MAU2: variants seen among roughly 807,000 people sequenced by gnomAD.
The protein encoded by MAU2 is MAU2 sister chromatid cohesion factor.
Under a neutral mutation model 89.1 loss-of-function variants are expected in MAU2, and 9 were observed. That is an observed-to-expected ratio of 0.10 (90% confidence interval 0.06 to 0.18). The LOEUF is 0.18. Ranked by LOEUF, MAU2 falls within the 10% of genes least tolerant of loss-of-function variation. The pLI, the probability that MAU2 is intolerant of heterozygous loss-of-function variation, is 1.00. For missense variants in MAU2, 425 were observed against 803.5 expected (o/e 0.53, Z 5.69); for synonymous variants, 357 against 343.4 (o/e 1.04, Z -0.44).
At chr19:19,344,970 C>G (rs745893860) in intron 11 of MAU2, 44 bp downstream of exon 11, 1 of 1,566,522 alleles carries the variant, frequency 6.4e-7, no homozygotes, top group Non-Finnish European at 8.8e-7. Flanking sequence ...CCAGAATGTT[C>G]TCAGTAAGTA....
chr19:19,345,271 G>C lies in MAU2; in HGVS notation c.1156-33G>C. On this transcript the variant is annotated intron_variant, in intron 11 of 18. Coordinates refer to ENST00000262815, the MANE Select transcript of MAU2 (RefSeq NM_015329.4). This position sits in a 1 kb window ranked among gnomAD's most constrained non-coding sequence, Gnocchi z 4.9. ...TCTGATCTGAGCCCCCTCCCCAGGGGCCGGCCCTGATGACAACACCACCTT... is the reference window on the plus strand; with the variant it reads ...TCTGATCTGAGCCCCCTCCCCAGGGCCCGGCCCTGATGACAACACCACCTT... 6.2e-7 allele frequency: 1 copy of C among 1,601,334 alleles called. No homozygotes were observed. The highest frequency in any genetic ancestry group is 8.6e-7 in the Non-Finnish European group (1 of 1,168,902).
intron 7 of MAU2, 64 bp from the exon 8 acceptor site, chr19:19,342,471 G>A (rs1458145430): frequency 4.7e-6 from 7 of 1,501,116 alleles, no homozygotes; most frequent in Non-Finnish European, 6.2e-6. Context: ...AGGGGTGGCT[G>A]GGCTGGGCCT....
rs568185464 is a variant in MAU2 at position 19,331,011 on chromosome 19, C to T, written c.277-4707C>T. ...GGCACCAGAGCTGTGCTGGTCTGGA[C>T]CCTTCCACCCCACTTGAAACCTGTT... On this transcript the variant is annotated intron_variant, in intron 1 of 18. Transcript: ENST00000262815. Among the ~76,000 whole-genome samples the T allele has an allele frequency of 1.2e-4, 18 of 152,220 alleles. No homozygotes were observed. The East Asian group carries it at 2.7e-3, about 23-fold the overall frequency.
intron 5 of MAU2, 85 bp downstream of exon 5, chr19:19,339,024 G>A (rs1051319117): frequency 1.2e-5 from 13 of 1,084,304 alleles, no homozygotes; most frequent in Non-Finnish European, 1.6e-5. Flanking sequence ...AACAGAAATG[G>A]CATTTCAGGT....
intron 1 of MAU2, among the ~76,000 whole-genome samples, chr19:19,333,102 A>G (rs1022489562): frequency 6.6e-6 from 1 of 151,394 alleles, no homozygotes; most frequent in African/African-American, 2.4e-5. Context: ...AGAGATGTCC[A>G]TGGGGTCAGG....
rs184221807 is a variant in MAU2, at chr19:19,344,177, C to T, written c.1077+237C>T. The stretch of plus-strand genomic sequence containing the variant: ...CTGTCATCCCAGCAGTTTGGGAGGC[C>T]GAGGCGGGTGGATCACTTGAGGCCA... On this transcript the variant is annotated intron_variant, in intron 10 of 18. Coordinates refer to ENST00000262815, the MANE Select transcript of MAU2 (RefSeq NM_015329.4). 425 of 484,168 alleles carry T rather than the reference C, an allele frequency of 8.8e-4. 6 individuals carry two copies. In the East Asian group the frequency reaches 0.014, roughly 16 times the overall value. The allele number at this position is 484,168 out of a possible 1,614,324, so 30.0% of individuals were successfully genotyped here. A position where few individuals can be genotyped will look rare whatever the true frequency, so the allele number is the denominator to read the frequency against.
chr19:19,331,232 G>T (rs2061552612), intron 1 of MAU2, among the ~76,000 whole-genome samples: 1 of 151,992 alleles, frequency 6.6e-6, no homozygotes, highest in Non-Finnish European at 1.5e-5. Flanking sequence ...GGGCACGGTG[G>T]CTCACACCTG....
intron 16 of MAU2, among the ~76,000 whole-genome samples, chr19:19,351,408 G>T (rs2061742832): frequency 6.6e-6 from 1 of 152,132 alleles, no homozygotes; most frequent in African/African-American, 2.4e-5. Flanking sequence ...AGTGGCTCAG[G>T]CCTGTAATCC....
At chr19:19,354,333 C>A in intron 16 of MAU2, 22 bp from the exon 17 acceptor site, 2 of 1,602,412 alleles carry the variant, frequency 1.2e-6, no homozygotes, top group Non-Finnish European at 1.7e-6. Context: ...CCTCACTCCC[C>A]CTTGCTGCTC....
chr19:19,321,169 C>A, intron 1 of MAU2, 34 bp downstream of exon 1: 1 of 1,548,106 alleles, frequency 6.5e-7, no homozygotes, highest in South Asian at 1.2e-5. Flanking sequence ...GGAGGAGTCG[C>A]GGGCTCCTTG....
In MAU2 at chr19:19,341,315, G is replaced by T. The variant is rs757904070; in HGVS notation, c.643G>T (p.Val215Leu). 1 of 1,613,490 alleles carries T rather than the reference G, an allele frequency of 6.2e-7. No homozygotes were observed. Among genetic ancestry groups the T allele is most frequent in the Non-Finnish European group, 8.5e-7 (1 of 1,180,010 alleles). The change falls in exon 7 of 19, where the codon GTG (valine) becomes TTG (leucine). Residue 215 changes from valine to leucine, a missense_variant. Around this residue, in one of 11 missense-constraint regions of MAU2, gnomAD observed 119 missense variants for 299.8 expected, o/e 0.40. Transcript: ENST00000262815. ...GCTGCTGACCCTCTGCGGGCAGATC[G>T]TGGAGAACTGGCAGGGGAACCCCAT... The part of the protein sequence containing the change: ...HPLLTLCGQI[V>L]ENWQGNPIQK...
intron 1 of MAU2, among the ~76,000 whole-genome samples, chr19:19,324,581 G>A (rs1261356517): frequency 6.6e-6 from 1 of 152,204 alleles, no homozygotes; most frequent in East Asian, 1.9e-4. Context: ...TGCCCACTCA[G>A]CCCTGTCTAG....
At chr19:19,355,223 A>C in intron 17 of MAU2, 41 bp from the exon 18 acceptor site, 1 of 1,612,540 alleles carries the variant, frequency 6.2e-7, no homozygotes, top group Non-Finnish European at 8.5e-7. Context: ...CTGGGCAGTG[A>C]CAGGGCAAGG....
chr19:19,354,314 G>T (rs762924924), intron 16 of MAU2, 41 bp from the exon 17 acceptor site: 15 of 1,539,516 alleles, frequency 9.7e-6, no homozygotes, highest in Non-Finnish European at 1.3e-5. Flanking sequence ...GGCAAGTGGG[G>T]TCCAGGCTCC....
chr19:19,351,685 A>G (rs1287794888), intron 16 of MAU2, among the ~76,000 whole-genome samples: 1 of 152,084 alleles, frequency 6.6e-6, no homozygotes, highest in Non-Finnish European at 1.5e-5. Flanking sequence ...TCTCAAAAAA[A>G]AAAAGTTATT....
Position 19,343,320 on chromosome 19 carries a change from C to T in MAU2, c.973+454C>T, listed in dbSNP as rs149460619. On this transcript the variant is annotated intron_variant, in intron 9 of 18. Coordinates refer to ENST00000262815, the MANE Select transcript of MAU2 (RefSeq NM_015329.4). ...AGACGTCCCTGGCTGGTATAGTGTG[C>T]CCATTAGTCGGTCTGTTTGCTCCCT... is the stretch of plus-strand genomic sequence containing the variant. Among the ~76,000 whole-genome samples the T allele has an allele frequency of 4.8e-3, 728 of 152,300 alleles. 3 individuals carry two copies. The highest frequency in any genetic ancestry group is 0.03 in the South Asian group (147 of 4,824).
Position 19,324,977 on chromosome 19 carries a change from A to T in MAU2, c.276+3842A>T, listed in dbSNP as rs1482385373. On this transcript the variant is annotated intron_variant, in intron 1 of 18. Transcript: ENST00000262815. ...CAACTTTTATTCTTTCCTTCCCCAG[A>T]GCTACTTAATAAAGAATCGTATGTT... 4.6e-5 allele frequency among the ~76,000 whole-genome samples: 7 copies of T among 152,006 alleles called. No homozygotes were observed. The East Asian group carries it at 1.4e-3, about 29-fold the overall frequency.
At chr19:19,326,182 G>A (rs2061502711) in intron 1 of MAU2, among the ~76,000 whole-genome samples, 1 of 151,792 alleles carries the variant, frequency 6.6e-6, no homozygotes. Context: ...TGCATTTTAA[G>A]TCGTCTAGAA....
intron 1 of MAU2, among the ~76,000 whole-genome samples, chr19:19,324,815 TTTAG>T (rs1420217862): frequency 1.3e-5 from 2 of 152,206 alleles, no homozygotes; most frequent in South Asian, 2.1e-4. Context: ...TTTTCCAGCT[TTTAG>T]TTAAAGTAAT....
Sources: allele counts gnomAD v4.1 joint callset (sites outside exome capture counted in the v4.1 genomes callset), GRCh38; gene constraint gnomAD v4.1.1; regional missense constraint gnomAD v4.1.1; non-coding constraint Gnocchi (gnomAD v3.1); transcripts MANE v1.5; gene names NCBI Gene and HGNC (gene_info 2026-07-23, HGNC 2026-07-21).